Variants in LTBP1 observed in about 807,000 individuals in gnomAD.
LTBP1 encodes latent transforming growth factor beta binding protein 1.
A neutral mutation model predicts 207.6 loss-of-function variants in LTBP1; 129 were observed. That is an observed-to-expected ratio of 0.62 (90% confidence interval 0.54 to 0.72). LTBP1 has a LOEUF of 0.72. LTBP1 is among the 30% of genes least tolerant of loss of function. LTBP1 has a pLI of 0.00. For synonymous variants in LTBP1, 963 were observed against 833.7 expected, an observed-to-expected ratio of 1.16 and a Z score of -2.67; for missense variants, 2,281 against 2,217.2, an observed-to-expected ratio of 1.03 and a Z score of -0.58.
At chr2:33,373,839 C>T (rs113750724) in intron 31 of LTBP1, among the ~76,000 whole-genome samples, 1 of 152,098 alleles carries the variant, frequency 6.6e-6, no homozygotes, top group Non-Finnish European at 1.5e-5. Context: ...ATAATTTATT[C>T]CTAAATATTA....
At chr2:33,116,520 G>C (rs1378154408) in intron 4 of LTBP1, among the ~76,000 whole-genome samples, 1 of 152,150 alleles carries the variant, frequency 6.6e-6, no homozygotes, top group Non-Finnish European at 1.5e-5. Context: ...GAGAAAGAGA[G>C]AGAGAAATGA....
chr2:33,003,419 T>C (rs1686336517), intron 2 of LTBP1, among the ~76,000 whole-genome samples: 1 of 152,188 alleles, frequency 6.6e-6, no homozygotes, highest in South Asian at 2.1e-4. Context: ...TTGCTAAAGG[T>C]CATGCAGCCA....
rs143513120 is a variant in LTBP1 at position 33,230,458 on chromosome 2, A to T, written c.1876+8307A>T. On this transcript the variant is annotated intron_variant, in intron 9 of 33. Transcript: ENST00000404816. ...CATGGAGCTCCAAAACAGCCTTGCT[A>T]CTCTCAGCATTATGGAATTGTTATA... Among the ~76,000 whole-genome samples the T allele has an allele frequency of 3.3e-3, 499 of 152,236 alleles. 3 individuals are homozygous for T. Among genetic ancestry groups the T allele is most frequent in the African/African-American group, 0.011 (470 of 41,554 alleles).
chr2:33,260,604 T>TA (rs2092984290), intron 13 of LTBP1, among the ~76,000 whole-genome samples: 1 of 152,172 alleles, frequency 6.6e-6, no homozygotes, highest in Non-Finnish European at 1.5e-5. Context: ...AAAAGAGACT[T>TA]ACAATTTTGG....
At position 33,257,274 on chromosome 2, in the gene LTBP1, C is replaced by T. The variant is rs1218939410; in HGVS notation, c.2168-10C>T. The T allele has an allele frequency of 6.2e-7, 1 of 1,606,272 alleles. No homozygotes were observed. The highest frequency in any genetic ancestry group is 1.1e-5 in the South Asian group (1 of 90,934). On this transcript the variant is annotated splice_polypyrimidine_tract_variant and intron_variant, in intron 11 of 33. Transcript: ENST00000404816. ...TTTTTAAAAGGAATATTTTCCCATC[C>T]CAAATCTAGCTGCTTTTAAGGAAAT...
intron 10 of LTBP1, among the ~76,000 whole-genome samples, chr2:33,246,011 G>C (rs961703582): frequency 3.9e-5 from 6 of 152,174 alleles, no homozygotes; most frequent in African/African-American, 2.4e-5. Context: ...CATTTCCTTA[G>C]CATTTATTTT....
chr2:33,280,279 C>T, intron 19 of LTBP1, 121 bp downstream of exon 19: 1 of 1,018,730 alleles, frequency 9.8e-7, no homozygotes, highest in Non-Finnish European at 1.3e-6. Context: ...TTACATCATT[C>T]TAAGAAAAGT....
intron 24 of LTBP1, among the ~76,000 whole-genome samples, chr2:33,339,373 G>A (rs1559035692): frequency 6.6e-6 from 1 of 152,152 alleles, no homozygotes; most frequent in Non-Finnish European, 1.5e-5. Context: ...GTATTTCCGA[G>A]TTTCTTTCCA....
intron 26 of LTBP1, among the ~76,000 whole-genome samples, chr2:33,356,220 G>A (rs2094857396): frequency 6.6e-6 from 1 of 152,208 alleles, no homozygotes; most frequent in Non-Finnish European, 1.5e-5. Flanking sequence ...ACAGGAGCAA[G>A]GGAGGGACAG....
intron 3 of LTBP1, among the ~76,000 whole-genome samples, chr2:33,083,597 T>C (rs1233937636): frequency 6.6e-6 from 1 of 152,164 alleles, no homozygotes; most frequent in African/African-American, 2.4e-5. Context: ...GGGTGATTTC[T>C]GGTGCTGCAG....
intron 3 of LTBP1, among the ~76,000 whole-genome samples, chr2:33,069,268 A>G (rs1357251580): frequency 1.3e-5 from 2 of 152,004 alleles, no homozygotes; most frequent in African/African-American, 4.8e-5. Context: ...GGCTCTGTGC[A>G]CTGATGCCTC....
intron 32 of LTBP1, among the ~76,000 whole-genome samples, chr2:33,394,955 T>A (rs114055411): frequency 6.6e-6 from 1 of 152,234 alleles, no homozygotes; most frequent in African/African-American, 2.4e-5. Flanking sequence ...TTGCTAAGGA[T>A]GATAGGCCTC....
rs372647280 is a variant in LTBP1 at position 33,145,549 on chromosome 2, A to G, written c.1201+10589A>G. 2.6e-5 allele frequency among the ~76,000 whole-genome samples: 4 copies of G among 152,332 alleles called. No homozygotes were observed. In the East Asian group the frequency reaches 5.8e-4, roughly 22 times the overall value. ...CTTAGCTAAAGTCTTATTTAGCAAG[A>G]TTAGAATATGTCACTTTTCGCCACT... On this transcript the variant is annotated intron_variant, in intron 5 of 33. Transcript: ENST00000404816.
At chr2:32,973,912 A>C (rs984044211) in intron 2 of LTBP1, among the ~76,000 whole-genome samples, 7 of 152,172 alleles carry the variant, frequency 4.6e-5, no homozygotes, top group African/African-American at 1.4e-4. Context: ...CCATCCTTGT[A>C]GTTGCAAATG....
intron 3 of LTBP1, among the ~76,000 whole-genome samples, chr2:33,046,116 G>A (rs2076429532): frequency 1.3e-5 from 2 of 152,170 alleles, no homozygotes; most frequent in Admixed American, 1.3e-4. Flanking sequence ...TCTTTCTCTT[G>A]CCTGATTTCA....
At chr2:33,315,886 G>A (rs930712737) in intron 24 of LTBP1, among the ~76,000 whole-genome samples, 5 of 152,120 alleles carry the variant, frequency 3.3e-5, no homozygotes, top group South Asian at 2.1e-4. Context: ...GCCGTGAGCC[G>A]AGATGGCACC....
chr2:33,270,589 CAAA>C (rs397961095), intron 15 of LTBP1, among the ~76,000 whole-genome samples: 1 of 75,342 alleles, frequency 1.3e-5, no homozygotes, highest in South Asian at 5.5e-4. Flanking sequence ...GACTCCGTCT[CAAA>C]AAAAAAAAAA....
At chr2:33,191,504 G>A (rs2087870558) in intron 7 of LTBP1, among the ~76,000 whole-genome samples, 1 of 152,194 alleles carries the variant, frequency 6.6e-6, no homozygotes, top group Non-Finnish European at 1.5e-5. Context: ...TGTTCATGAG[G>A]AATGTTGCTG....
At chr2:33,123,030 C>T (rs577924890) in intron 4 of LTBP1, among the ~76,000 whole-genome samples, 1 of 152,218 alleles carries the variant, frequency 6.6e-6, no homozygotes, top group African/African-American at 2.4e-5. Context: ...GAAAACCCAG[C>T]TGCTCAACTT....
Sources: gnomAD v4.1 joint callset for allele counts (sites outside exome capture counted in the v4.1 genomes callset) on GRCh38, gnomAD v4.1.1 for gene constraint, MANE v1.5 for transcripts, NCBI Gene and HGNC (gene_info 2026-07-23, HGNC 2026-07-21) for gene names.